Variants in PRAM1 observed in about 807,000 individuals in gnomAD.
PRAM1 encodes the protein PML-RARA regulated adaptor molecule 1, also known as PML-RARA-regulated adapter molecule 1.
In PRAM1, 41 loss-of-function variants were observed where a neutral mutation model predicts 55.3. The observed-to-expected ratio is 0.74, with a 90% CI of 0.58 to 0.96. PRAM1 has a LOEUF of 0.96. PRAM1 is among the 40% of genes least tolerant of loss of function. PRAM1 has a pLI of 0.00. For synonymous variants in PRAM1, 401 were observed against 387.1 expected, an observed-to-expected ratio of 1.04 and a Z score of -0.42; for missense variants, 898 against 892.7, an observed-to-expected ratio of 1.01 and a Z score of -0.08.
At chr19:8,502,460 CCCCGCCCCCCCG>C in intron 1 of PRAM1, 93 bp downstream of exon 1, 1 of 519,350 alleles carries the variant, frequency 1.9e-6, no homozygotes, top group Non-Finnish European at 3.4e-6. Context: ...CGCAGCCACC[CCCCGCCCCCCCG>C]CCCGCCCCTC....
chr19:8,501,750 G>A (rs1609712), intron 1 of PRAM1, among the ~76,000 whole-genome samples: 36,198 of 151,994 alleles, frequency 0.24, 5,327 homozygotes, highest in African/African-American at 0.41. Context: ...CTCTCACACC[G>A]TCTCTGACAT....
chr19:8,498,633 GAGCTCTCGGA>G lies in PRAM1; in HGVS notation c.1165_1174del (p.Ser389HisfsTer86). ...GAAGCCGGCCACGGCCGCAGGCAGT[GAGCTCTCGGA>G]AGCGGAGCTGGGGAGTGGAGGCTTT... is the stretch of plus-strand genomic sequence containing the variant. On this transcript the variant is annotated frameshift_variant, in exon 2 of 10. Transcript: ENST00000423345. LOFTEE classifies it high-confidence loss of function. 1.2e-6 allele frequency: 2 copies of G among 1,612,408 alleles called. No homozygotes were observed. Among genetic ancestry groups the G allele is most frequent in the Non-Finnish European group, 1.7e-6 (2 of 1,179,568 alleles).
At position 8,498,260 on chromosome 19, in the gene PRAM1, G is replaced by A. The variant is rs548161574; in HGVS notation, c.1462C>T (p.Leu488Phe). Residue 488 changes from leucine (L) to phenylalanine (F), a missense_variant, in exon 3 of 10, where the codon CTC becomes TTC. Coordinates refer to ENST00000423345, the MANE Select transcript of PRAM1 (RefSeq NM_032152.5). ...TCAGGCTGTCGGTCCTGGAAGTGGAGCCCAGCGGCCGAGCGGGTCCTCCGT... is the reference window on the plus strand; with the variant it reads ...TCAGGCTGTCGGTCCTGGAAGTGGAACCCAGCGGCCGAGCGGGTCCTCCGT... ...DLRRTRSAAG[L>F]HFQDRQPEDI... 1.2e-5 allele frequency: 19 copies of A among 1,612,838 alleles called. No homozygotes were observed. The highest frequency in any genetic ancestry group is 1.5e-5 in the Non-Finnish European group (18 of 1,179,592).
chr19:8,501,258 A>AT (rs200650827), intron 1 of PRAM1, among the ~76,000 whole-genome samples: 5 of 150,122 alleles, frequency 3.3e-5, no homozygotes, highest in Admixed American at 6.6e-5. Flanking sequence ...CGCCTGGCTA[A>AT]TTTTTTTTGT....
chr19:8,501,504 TTGA>T (rs992884506), intron 1 of PRAM1, among the ~76,000 whole-genome samples: 11 of 136,120 alleles, frequency 8.1e-5, no homozygotes, highest in Non-Finnish European at 3.1e-5. Context: ...TTAATGTGTC[TTGA>T]TTTTTTTTTT....
In PRAM1 at chr19:8,498,853, T is replaced by G; in HGVS notation, c.955A>C (p.Lys319Gln). 1 of 1,607,814 alleles carries G rather than the reference T, an allele frequency of 6.2e-7. No homozygotes were observed. Among genetic ancestry groups the G allele is most frequent in the East Asian group, 2.2e-5 (1 of 44,562 alleles). Residue 319 changes from lysine (K) to glutamine (Q), a missense_variant, in exon 2 of 10, where the codon AAG becomes CAG. Lys to Gln is a moderately conservative substitution (Grantham distance 53). This residue lies in a region of PRAM1 where 787 missense variants were observed against 735.4 expected (regional missense o/e 1.07). Coordinates refer to ENST00000423345, the MANE Select transcript of PRAM1 (RefSeq NM_032152.5). ...PRPAEFKALS[K>Q]KPPQPELGGL... The stretch of plus-strand genomic sequence containing the variant: ...CCCAGCTCGGGCTGCGGGGGCTTCT[T>G]GGAGAGCGCTTTGAATTCGGCCGGC...
chr19:8,491,006 C>T lies in PRAM1; in HGVS notation c.1635-11G>A, dbSNP rs1971619194. On this transcript the variant is annotated splice_polypyrimidine_tract_variant and intron_variant, in intron 5 of 9. Transcript: ENST00000423345. ...GGATCCTTCTCCTTCCTGATAGCCC[C>T]CACCAAGGAATTGTGTGCTCGTGAG... 6.2e-7 allele frequency: 1 copy of T among 1,613,106 alleles called. No homozygotes were observed. Among genetic ancestry groups the T allele is most frequent in the Admixed American group, 1.7e-5 (1 of 59,992 alleles).
chr19:8,490,518 A>T lies in PRAM1; in HGVS notation c.1907-9T>A. On this transcript the variant is annotated splice_polypyrimidine_tract_variant and intron_variant, in intron 7 of 9. Transcript: ENST00000423345. This position sits in a 1 kb window ranked among gnomAD's most constrained non-coding sequence, Gnocchi z 7.3. ...TCTGGGCACGTAGCCATCTGTGGAG[A>T]GAGTGGGCATGGTGGGTTCTGAGGC... is the stretch of plus-strand genomic sequence containing the variant. 2 of 1,610,016 alleles carry T rather than the reference A, an allele frequency of 1.2e-6. No homozygotes were observed. Among genetic ancestry groups the T allele is most frequent in the Non-Finnish European group, 1.7e-6 (2 of 1,178,386 alleles).
chr19:8,498,421 GC>G lies in PRAM1; in HGVS notation c.1386del (p.Val464TrpfsTer14). ...CTCCGAAAGCTCTGCATATCCACGG[GC>G]CCCGGGGGCAGCGGGGGCTTGGCTG... ...HPPAKPPLPP[G>X]PVDMQSFRRP... is the part of the protein sequence containing the mutation. On this transcript the variant is annotated frameshift_variant, in exon 2 of 10. Coordinates refer to ENST00000423345, the MANE Select transcript of PRAM1 (RefSeq NM_032152.5). LOFTEE classifies it high-confidence loss of function. 6.3e-7 allele frequency: 1 copy of G among 1,578,876 alleles called. No homozygotes were observed. Among genetic ancestry groups the G allele is most frequent in the South Asian group, 1.2e-5 (1 of 86,696 alleles).
rs1324561379 is a variant in PRAM1 at position 8,493,682 on chromosome 19, G to A, written c.1577-2525C>T. 6.6e-6 allele frequency among the ~76,000 whole-genome samples: 1 copy of A among 152,250 alleles called. No individual in the cohort carries two copies. Among genetic ancestry groups the A allele is most frequent in the East Asian group, 1.9e-4 (1 of 5,204 alleles). Reference sequence around the variant, plus strand: ...TCCAAGTAAGGCAGACAGTGGGAAAGGGGAGTCCAGAGTCCTGGCCCCAAG... The same window carrying A: ...TCCAAGTAAGGCAGACAGTGGGAAAAGGGAGTCCAGAGTCCTGGCCCCAAG... On this transcript the variant is annotated intron_variant, in intron 4 of 9. Transcript: ENST00000423345. The surrounding 1 kb of genome is among the most constrained non-coding windows in gnomAD (Gnocchi z 4.1).
At position 8,499,294 on chromosome 19, in the gene PRAM1, C is replaced by T. The variant is rs1417078219; in HGVS notation, c.514G>A (p.Glu172Lys). ...APARKPLQPD[E>K]LSHPARPPSE... The stretch of plus-strand genomic sequence containing the variant: ...GGGGGTCTGGCGGGGTGACTGAGTT[C>T]GTCGGGCTGCAGGGGTTTCCGGGCC... Residue 172 changes from glutamate to lysine, a missense_variant, in exon 2 of 10, where the codon GAA becomes AAA. Around this residue, in one of 4 missense-constraint regions of PRAM1, gnomAD observed 787 missense variants for 735.4 expected, o/e 1.07. Coordinates refer to ENST00000423345, the MANE Select transcript of PRAM1 (RefSeq NM_032152.5). 6 of 1,608,676 alleles carry T rather than the reference C, an allele frequency of 3.7e-6. No individual in the cohort carries two copies. In the Admixed American group the frequency reaches 8.4e-5, roughly 23 times the overall value.
chr19:8,492,989 C>T (rs1422020767), intron 4 of PRAM1, among the ~76,000 whole-genome samples: 1 of 151,938 alleles, frequency 6.6e-6, no homozygotes, highest in Admixed American at 6.6e-5. Flanking sequence ...AGACCAGGAC[C>T]CTGTCTCAAA....
intron 1 of PRAM1, among the ~76,000 whole-genome samples, chr19:8,500,675 G>A (rs1179772821): frequency 2.0e-5 from 3 of 152,174 alleles, no homozygotes; most frequent in African/African-American, 7.2e-5. Context: ...CCCAGGACAT[G>A]TCTCTGCACC....
In PRAM1 at chr19:8,502,388, TGCCTGGTG is replaced by T. The variant is rs566823611; in HGVS notation, c.27+169_27+176del. Among the ~76,000 whole-genome samples the T allele has an allele frequency of 5.5e-4, 84 of 152,230 alleles. 2 individuals carry two copies. In the East Asian group the frequency reaches 0.012, roughly 21 times the overall value. ...CAGGAGCCCGCGCTGTCCTGGGGTG[TGCCTGGTG>T]GCCGCCTACCTCGGGTCCTTTTTGC... On this transcript the variant is annotated intron_variant, in intron 1 of 9. Transcript: ENST00000423345.
At chr19:8,501,086 T>TTTTC in intron 1 of PRAM1, among the ~76,000 whole-genome samples, 1 of 147,210 alleles carries the variant, frequency 6.8e-6, no homozygotes, top group Non-Finnish European at 1.5e-5. Context: ...ACCACCCTAT[T>TTTTC]TTTCTTTCTT....
At chr19:8,498,069 G>A (rs368605697) in intron 3 of PRAM1, among the ~76,000 whole-genome samples, 154 bp downstream of exon 3, 2 of 151,618 alleles carry the variant, frequency 1.3e-5, no homozygotes, top group African/African-American at 2.4e-5. Context: ...TTTAGTAGAC[G>A]GGGTTTCACC....
intron 1 of PRAM1, 99 bp from the exon 2 acceptor site, chr19:8,499,879 C>T: frequency 9.4e-7 from 1 of 1,061,542 alleles, no homozygotes; most frequent in Non-Finnish European, 1.3e-6. Context: ...CAACCACCAC[C>T]CCTGCGCCCA....
At chr19:8,497,959 G>A in intron 3 of PRAM1, 119 bp from the exon 4 acceptor site, 3 of 778,098 alleles carry the variant, frequency 3.9e-6, no homozygotes, top group South Asian at 3.8e-5. Context: ...CGGGCTCACT[G>A]CAGCCTCCAC....
rs752648219 is a variant in PRAM1, at chr19:8,499,370, A to G, written c.438T>C (p.Pro146=). ...ATPFPRKPLQ[P]EVGEAPLKAS... ...CCTTCAAAGGGGCCTCACCGACCTCAGGCTGCAGGGGCTTCCTTGGAAACG... is the reference window on the plus strand; with the variant it reads ...CCTTCAAAGGGGCCTCACCGACCTCGGGCTGCAGGGGCTTCCTTGGAAACG... Residue 146 remains proline, a synonymous_variant, in exon 2 of 10, where the codon CCT becomes CCC. Transcript: ENST00000423345. The G allele has an allele frequency of 6.2e-7, 1 of 1,612,930 alleles. No individual in the cohort carries two copies. Among genetic ancestry groups the G allele is most frequent in the Non-Finnish European group, 8.5e-7 (1 of 1,179,756 alleles).
Sources: allele counts gnomAD v4.1 joint callset (sites outside exome capture counted in the v4.1 genomes callset), GRCh38; gene constraint gnomAD v4.1.1; regional missense constraint gnomAD v4.1.1; non-coding constraint Gnocchi (gnomAD v3.1); transcripts MANE v1.5; gene names NCBI Gene and HGNC (gene_info 2026-07-23, HGNC 2026-07-21).